CERT1: variants seen among roughly 807,000 people sequenced by gnomAD.
CERT1 encodes ceramide transporter 1.
CERT1 carries 31 observed loss-of-function variants against 87.9 expected under a neutral mutation model. The ratio of observed to expected loss-of-function variants is 0.35; its 90% CI spans 0.27 to 0.48. CERT1 has a LOEUF of 0.48. CERT1 is among the 20% of genes least tolerant of loss of function. The pLI is 0.99. For synonymous variants in CERT1, 289 were observed against 250.9 expected (o/e 1.15, Z -1.44); for missense variants, 487 against 758.0 (o/e 0.64, Z 4.20).
At chr5:75,393,699 C>T (rs1167916162) in intron 11 of CERT1, among the ~76,000 whole-genome samples, 1 of 148,472 alleles carries the variant, frequency 6.7e-6, no homozygotes, top group African/African-American at 2.5e-5. Flanking sequence ...GGCAGGGTGG[C>T]TCATGCCTGT....
intron 2 of CERT1, among the ~76,000 whole-genome samples, chr5:75,477,586 T>C (rs1243727949): frequency 2.1e-5 from 3 of 139,600 alleles, no homozygotes; most frequent in Non-Finnish European, 4.5e-5. Flanking sequence ...ACCATAATGA[T>C]ATATAGCATA....
intron 9 of CERT1, chr5:75,400,619 T>C (rs1762430845): frequency 4.7e-6 from 1 of 211,948 alleles, no homozygotes; most frequent in Non-Finnish European, 9.3e-6. Context: ...GCCAATTCTC[T>C]CCTATCCAAA....
intron 11 of CERT1, among the ~76,000 whole-genome samples, chr5:75,394,203 G>A (rs1762153748): frequency 1.3e-5 from 2 of 152,142 alleles, no homozygotes; most frequent in South Asian, 4.1e-4. Context: ...TTCTAATGAA[G>A]AGTTTGGCAG....
chr5:75,376,366 T>C (rs1414061475), downstream of CERT1: 2 of 152,204 alleles, frequency 1.3e-5, no homozygotes, highest in African/African-American at 4.8e-5. Context: ...GGAGGCCGTT[T>C]CAGTGAGGTC....
At chr5:75,507,799 T>C (rs929105406) in intron 1 of CERT1, among the ~76,000 whole-genome samples, 2 of 152,130 alleles carry the variant, frequency 1.3e-5, no homozygotes, top group Admixed American at 6.5e-5. Context: ...CCGAATAAAA[T>C]AATGAAAATG....
At chr5:75,469,020 A>T (rs1765590982) in intron 2 of CERT1, among the ~76,000 whole-genome samples, 1 of 152,232 alleles carries the variant, frequency 6.6e-6, no homozygotes, top group Admixed American at 6.5e-5. Flanking sequence ...CAGCTATTTT[A>T]AGGAAGCTCA....
chr5:75,415,066 CA>C (rs1288243183), intron 7 of CERT1, among the ~76,000 whole-genome samples: 2 of 151,878 alleles, frequency 1.3e-5, no homozygotes, highest in African/African-American at 4.8e-5. Flanking sequence ...ACTCTACATA[CA>C]AAAGATTAGA....
rs767348298 is a variant in CERT1, at chr5:75,400,199, G to C, written c.1110+6C>G. On this transcript the variant is annotated splice_donor_region_variant and intron_variant, in intron 10 of 16. Transcript: ENST00000643780. ...GTACTTTTAGTAAACTCTGACATTAGCTTACCTTTTGGACAAATCTATGTG... is the reference window on the plus strand; with the variant it reads ...GTACTTTTAGTAAACTCTGACATTACCTTACCTTTTGGACAAATCTATGTG... The C allele has an allele frequency of 6.3e-7, 1 of 1,585,454 alleles. No homozygotes were observed. The highest frequency in any genetic ancestry group is 1.7e-5 in the Admixed American group (1 of 59,796).
chr5:75,495,392 A>G (rs1767009521), intron 2 of CERT1, among the ~76,000 whole-genome samples: 1 of 152,078 alleles, frequency 6.6e-6, no homozygotes, highest in Non-Finnish European at 1.5e-5. Flanking sequence ...CCCCATCTCT[A>G]CAAAAACACA....
intron 2 of CERT1, among the ~76,000 whole-genome samples, chr5:75,483,459 G>C (rs1016837869): frequency 6.6e-6 from 1 of 152,118 alleles, no homozygotes; most frequent in Admixed American, 6.6e-5. Context: ...AAGGTAGAAA[G>C]TTTGATTCAA....
At chr5:75,385,345 C>T (rs187410905) in intron 13 of CERT1, among the ~76,000 whole-genome samples, 2 of 152,170 alleles carry the variant, frequency 1.3e-5, no homozygotes, top group East Asian at 1.9e-4. Context: ...TGATGGTGTG[C>T]GCCTGTAATC....
In CERT1 at chr5:75,494,415, T is replaced by C. The variant is rs150523971; in HGVS notation, c.231+11567A>G. Among the ~76,000 whole-genome samples, 316 of 152,298 alleles carry C rather than the reference T, an allele frequency of 2.1e-3. 1 individual carries two copies. In the East Asian group the frequency reaches 0.027, roughly 13 times the overall value. Reference sequence around the variant, plus strand: ...TGGGATAGGGTCATGTGAGGCTCAGTAGCTAGTTTGCTTGCTTCCCTAATC... The same window carrying C: ...TGGGATAGGGTCATGTGAGGCTCAGCAGCTAGTTTGCTTGCTTCCCTAATC... On this transcript the variant is annotated intron_variant, in intron 2 of 16. Coordinates refer to ENST00000643780, the MANE Select transcript of CERT1 (RefSeq NM_001379029.1).
intron 2 of CERT1, among the ~76,000 whole-genome samples, chr5:75,485,321 A>AAAAAAAAAAAAAAAAAG: frequency 6.8e-6 from 1 of 147,526 alleles, no homozygotes; most frequent in Non-Finnish European, 1.5e-5. Flanking sequence ...ACAAAAAAAA[A>AAAAAAAAAAAAAAAAAG]AAAAAAAAAA....
chr5:75,374,759 C>T (rs1356585664), downstream of CERT1: 6 of 558,644 alleles, frequency 1.1e-5, no homozygotes, highest in South Asian at 7.1e-5. Flanking sequence ...ACCTCCACCC[C>T]AATTTAGACC....
chr5:75,414,047 AAT>A (rs1298902657), intron 7 of CERT1, among the ~76,000 whole-genome samples: 2 of 152,222 alleles, frequency 1.3e-5, no homozygotes, highest in African/African-American at 2.4e-5. Context: ...TATACAATAA[AAT>A]AGTGTATAGC....
At chr5:75,478,881 G>A (rs1014983368) in intron 2 of CERT1, among the ~76,000 whole-genome samples, 37 of 106,338 alleles carry the variant, frequency 3.5e-4, no homozygotes, top group Admixed American at 2.8e-3. Context: ...AGATGAATCC[G>A]GAAAATCTTG....
At chr5:75,442,610 A>C (rs1427613771) in intron 3 of CERT1, among the ~76,000 whole-genome samples, 1 of 152,170 alleles carries the variant, frequency 6.6e-6, no homozygotes, top group Non-Finnish European at 1.5e-5. Flanking sequence ...AATTTTTCAT[A>C]ATGTCTTACA....
intron 2 of CERT1, among the ~76,000 whole-genome samples, chr5:75,471,307 C>G (rs1765696499): frequency 6.6e-6 from 1 of 152,182 alleles, no homozygotes; most frequent in Non-Finnish European, 1.5e-5. Context: ...GCATGTTACT[C>G]TACTGAATAC....
rs551710535 is a variant in CERT1 at position 75,493,691 on chromosome 5, T to C, written c.231+12291A>G. On this transcript the variant is annotated intron_variant, in intron 2 of 16. Coordinates refer to ENST00000643780, the MANE Select transcript of CERT1 (RefSeq NM_001379029.1). ...TGGACCTTGCTTGATGATTTCAATG[T>C]AAAACTCTTGTCCTTTATTTCTGTG... Among the ~76,000 whole-genome samples the C allele has an allele frequency of 2.3e-4, 35 of 152,338 alleles. No homozygotes were observed. In the South Asian group the frequency reaches 7.2e-3, roughly 32 times the overall value.
Sources: allele counts gnomAD v4.1 joint callset (sites outside exome capture counted in the v4.1 genomes callset), GRCh38; gene constraint gnomAD v4.1.1; transcripts MANE v1.5; gene names NCBI Gene and HGNC (gene_info 2026-07-23, HGNC 2026-07-21).